The following KANSL1 variants were observed in gnomAD, a reference collection of about 807,000 sequenced individuals.
The protein encoded by KANSL1 is KAT8 regulatory NSL complex subunit 1, also known as MLL1/MLL complex subunit KANSL1.
In KANSL1, 22 loss-of-function variants were observed where a neutral mutation model predicts 103.6. That is an observed-to-expected ratio of 0.21 (90% confidence interval 0.15 to 0.30). The LOEUF is 0.30. KANSL1 is among the 10% of genes least tolerant of loss of function. KANSL1 has a pLI of 1.00. For missense variants in KANSL1, 1,337 were observed against 1,399.8 expected, an observed-to-expected ratio of 0.96 and a Z score of 0.72; for synonymous variants, 600 against 527.6, an observed-to-expected ratio of 1.14 and a Z score of -1.88.
In KANSL1 at chr17:46,219,176, A is replaced by T. The variant is rs189663944; in HGVS notation, c.-90+4495T>A. Among the ~76,000 whole-genome samples, 542 of 151,986 alleles carry T rather than the reference A, an allele frequency of 3.6e-3. 3 individuals carry two copies. Among genetic ancestry groups the T allele is most frequent in the Non-Finnish European group, 7.0e-3 (475 of 68,000 alleles). ...CTACTTGGGAGGCTGAGGCAGGAGA[A>T]TCACTTGAACCCAGGAAGTGGAGGT... On this transcript the variant is annotated intron_variant, in intron 1 of 14. Coordinates refer to the KANSL1 transcript ENST00000572904.
At chr17:46,203,647 T>G (rs1394714242) in intron 1 of KANSL1, among the ~76,000 whole-genome samples, 2 of 152,222 alleles carry the variant, frequency 1.3e-5, no homozygotes, top group Non-Finnish European at 2.9e-5. Flanking sequence ...TGAAAAAATT[T>G]TAGTGGCTTT....
At chr17:46,073,083 G>A (rs1156741530) in intron 4 of KANSL1, among the ~76,000 whole-genome samples, 1 of 152,116 alleles carries the variant, frequency 6.6e-6, no homozygotes, top group Non-Finnish European at 1.5e-5. Flanking sequence ...CAAAACCCTT[G>A]TCAGGCCAAT....
rs1286851772 is a variant in KANSL1, at chr17:46,188,586, A to ATGG, written c.-90+4236_-90+4237insCCA. Among the ~76,000 whole-genome samples, 4 of 152,230 alleles carry ATGG rather than the reference A, an allele frequency of 2.6e-5. No individual in the cohort carries two copies. In the East Asian group the frequency reaches 7.7e-4, roughly 29 times the overall value. On this transcript the variant is annotated intron_variant, in intron 1 of 14. Transcript: ENST00000432791. ...GTGTCTGGGGCCATTTTACTTAAGA[A>ATGG]CCTGCCCTGTACTCCTTTCTTAAGG... is the stretch of plus-strand genomic sequence containing the variant.
intron 6 of KANSL1, among the ~76,000 whole-genome samples, chr17:46,051,427 G>A (rs890860374): frequency 3.9e-5 from 6 of 152,134 alleles, no homozygotes; most frequent in African/African-American, 1.4e-4. Context: ...GTGCACATGT[G>A]GGCAGAATAA....
chr17:46,155,925 C>T (rs2045401709), intron 2 of KANSL1, among the ~76,000 whole-genome samples: 1 of 152,118 alleles, frequency 6.6e-6, no homozygotes, highest in African/African-American at 2.4e-5. Flanking sequence ...AGAGTGAAAC[C>T]CTATCTCTCA....
chr17:46,115,224 T>A (rs35524223), intron 2 of KANSL1, among the ~76,000 whole-genome samples: 21,548 of 151,780 alleles, frequency 0.14, 2,091 homozygotes, highest in Non-Finnish European at 0.21. Flanking sequence ...CACACCCAGC[T>A]AATTTTTTTA....
intron 2 of KANSL1, among the ~76,000 whole-genome samples, chr17:46,110,833 A>G (rs1397723301): frequency 6.6e-6 from 1 of 152,214 alleles, no homozygotes; most frequent in Non-Finnish European, 1.5e-5. Context: ...CAAGCATGGA[A>G]TAGAGCATGA....
intron 1 of KANSL1, among the ~76,000 whole-genome samples, chr17:46,179,491 A>G (rs1037343572): frequency 6.6e-6 from 1 of 152,242 alleles, no homozygotes; most frequent in Admixed American, 6.5e-5. Flanking sequence ...AGCAAAAATC[A>G]GATGGGGAAG....
chr17:46,063,585 T>A (rs1475414560), intron 6 of KANSL1, among the ~76,000 whole-genome samples: 1 of 152,226 alleles, frequency 6.6e-6, no homozygotes, highest in African/African-American at 2.4e-5. Context: ...TTTCTCTGTC[T>A]TATTTTTCAT....
At chr17:46,036,928 T>C (rs904879787) in intron 10 of KANSL1, among the ~76,000 whole-genome samples, 1 of 152,088 alleles carries the variant, frequency 6.6e-6, no homozygotes, top group Non-Finnish European at 1.5e-5. Flanking sequence ...GCCAGGATGG[T>C]CTCGAACTCC....
intron 2 of KANSL1, among the ~76,000 whole-genome samples, chr17:46,125,547 TA>T (rs2043515743): frequency 1.3e-5 from 2 of 152,184 alleles, no homozygotes; most frequent in South Asian, 4.1e-4. Context: ...TCTGTCCATA[TA>T]GGGGGTACCA....
intron 2 of KANSL1, among the ~76,000 whole-genome samples, chr17:46,105,921 ACACACACACACACACACACACACACACCC>A (rs1345172110): frequency 1.3e-3 from 120 of 94,034 alleles, no homozygotes; most frequent in Middle Eastern, 4.7e-3. Flanking sequence ...ACACACACAC[ACACACACACACACACACACACACACACCC>A]CCCCAGAAGG....
chr17:46,059,970 C>CA (rs769077488), intron 6 of KANSL1, among the ~76,000 whole-genome samples: 34 of 152,050 alleles, frequency 2.2e-4, no homozygotes, highest in Admixed American at 1.0e-3. Context: ...ACAACAACAA[C>CA]AAAAAATCAG....
intron 1 of KANSL1, among the ~76,000 whole-genome samples, chr17:46,183,337 T>C (rs2046874444): frequency 6.6e-6 from 1 of 152,076 alleles, no homozygotes; most frequent in Non-Finnish European, 1.5e-5. Context: ...CCCAGCACCT[T>C]GGGAGGCCAA....
intron 6 of KANSL1, among the ~76,000 whole-genome samples, chr17:46,051,908 C>T (rs558166534): frequency 2.3e-4 from 35 of 152,172 alleles, no homozygotes; most frequent in East Asian, 1.9e-4. Flanking sequence ...AGAGGTGGCA[C>T]GCAAATAAAG....
Position 46,222,877 on chromosome 17 carries a change from T to C in KANSL1, c.-90+794A>G, listed in dbSNP as rs1423317736. The C allele has an allele frequency of 2.0e-5, 3 of 152,384 alleles. No individual in the cohort carries two copies. In the East Asian group the frequency reaches 5.8e-4, roughly 29 times the overall value. The allele number at this position is 152,384 out of a possible 1,614,324, so 9.4% of individuals were successfully genotyped here. On this transcript the variant is annotated intron_variant, in intron 1 of 14. Transcript: ENST00000572904. ...TTTTTATTTAATTTTTTTTTTAATG[T>C]ATTTTTAGTCACAAGAAAATCAAAG...
chr17:46,115,415 ACTACAGATGAGAAAATAGTATAAAG>A (rs2042999630), intron 2 of KANSL1, among the ~76,000 whole-genome samples: 2 of 149,598 alleles, frequency 1.3e-5, no homozygotes, highest in Admixed American at 6.8e-5. Context: ...CTGTCTCCTT[ACTACAGATGAGAAAATAGTATAAAG>A]CTATCGAGTG....
At chr17:46,110,992 A>C (rs1396835158) in intron 2 of KANSL1, among the ~76,000 whole-genome samples, 1 of 152,242 alleles carries the variant, frequency 6.6e-6, no homozygotes, top group Non-Finnish European at 1.5e-5. Context: ...AATTAAAACT[A>C]TAGTGAAACA....
At chr17:46,059,581 C>T (rs533475728) in intron 6 of KANSL1, among the ~76,000 whole-genome samples, 1 of 143,652 alleles carries the variant, frequency 7.0e-6, no homozygotes, top group African/African-American at 2.6e-5. Context: ...CAAGATCATG[C>T]CATTGCACTT....
Sources: gnomAD v4.1 joint callset for allele counts (sites outside exome capture counted in the v4.1 genomes callset) on GRCh38, gnomAD v4.1.1 for gene constraint, MANE v1.5 for transcripts, NCBI Gene and HGNC (gene_info 2026-07-23, HGNC 2026-07-21) for gene names.